The following SEPTIN1 variants were observed in gnomAD, a reference collection of about 807,000 sequenced individuals.
SEPTIN1 encodes the protein septin-1.
Under a neutral mutation model 50.7 loss-of-function variants are expected in SEPTIN1, and 52 were observed. That is an observed-to-expected ratio of 1.03 (90% CI 0.82 to 1.29). SEPTIN1 has a LOEUF of 1.29. SEPTIN1 is among the 50% of genes most tolerant of loss of function. The probability of loss-of-function intolerance (pLI) is 0.00; values close to 1 mark genes in which losing one functional copy is unlikely to be tolerated. For synonymous variants in SEPTIN1, 204 were observed against 189.1 expected, an observed-to-expected ratio of 1.08 and a Z score of -0.65; for missense variants, 455 against 490.7, an observed-to-expected ratio of 0.93 and a Z score of 0.69.
At position 30,378,665 on chromosome 16, in the gene SEPTIN1, A is replaced by C. The variant is rs1567422414; in HGVS notation, c.977T>G (p.Leu326Arg). 1.2e-6 allele frequency: 2 copies of C among 1,609,528 alleles called. No homozygotes were observed. Among genetic ancestry groups the C allele is most frequent in the Non-Finnish European group, 1.7e-6 (2 of 1,179,826 alleles). The change falls in exon 10 of 11, where the codon CTG (leucine) becomes CGG (arginine). Residue 326 changes from leucine to arginine, a missense_variant. Transcript: ENST00000321367. ...LSRQSATEIP[L>R]PMLPLADTEK... ...GGTGTCCGCCAGAGGCAGCATGGGC[A>C]GCGGGATCTCTGTGGCGCTCTGGCG... is the stretch of plus-strand genomic sequence containing the variant.
Position 30,378,268 on chromosome 16 carries a change from A to C in SEPTIN1, c.*166T>G. On this transcript the variant is annotated 3_prime_UTR_variant, in exon 11 of 11. Transcript: ENST00000321367. ...GGGCGGTGTCTGGGTGGGCGGGACC[A>C]GCGCCGGGGCGGGGCTACGGACTCA... The C allele has an allele frequency of 1.4e-6, 1 of 693,026 alleles. No individual in the cohort carries two copies. Among genetic ancestry groups the C allele is most frequent in the East Asian group, 2.9e-5 (1 of 34,102 alleles). The allele number at this position is 693,026 out of a possible 1,614,324, so 42.9% of individuals were successfully genotyped here. A position where few individuals can be genotyped will look rare whatever the true frequency, so the allele number is the denominator to read the frequency against.
At chr16:30,378,899 G>GGAGA (rs1418287816) in intron 9 of SEPTIN1, 119 bp downstream of exon 9, 2 of 957,648 alleles carry the variant, frequency 2.1e-6, no homozygotes, top group Non-Finnish European at 1.6e-6. Context: ...AGGGAGGGAG[G>GGAGA]GAGAGAGAAG....
In SEPTIN1 at chr16:30,381,427, G is replaced by A. The variant is rs563689862; in HGVS notation, c.367C>T (p.Leu123Phe). The change falls in exon 5 of 11, where the codon CTT becomes TTT. Residue 123 changes from leucine to phenylalanine, a missense_variant. Transcript: ENST00000321367. This position sits in a 1 kb window ranked among gnomAD's most constrained non-coding sequence, Gnocchi z 4.3. ...CGGTTCAGGCCACTCTCATCCCTAA[G>A]GTACTGCTCAAATTGCTCCTCGATG... ...KFIEEQFEQYLRDESGLNRKN... is the reference protein window; with the variant it reads ...KFIEEQFEQYFRDESGLNRKN... The A allele has an allele frequency of 1.9e-5, 30 of 1,613,940 alleles. No individual in the cohort carries two copies. The highest frequency in any genetic ancestry group is 2.4e-5 in the Non-Finnish European group (28 of 1,180,040).
chr16:30,378,496 C>G lies in SEPTIN1; in HGVS notation c.1057G>C (p.Glu353Gln). Reference sequence around the variant, plus strand: ...TGCTGCATTTGGGCCTGCATCTTCTCCAGCATCTCTTGCATGCGGCGCAGC... The same window carrying G: ...TGCTGCATTTGGGCCTGCATCTTCTGCAGCATCTCTTGCATGCGGCGCAGC... ...EELRRMQEMLEKMQAQMQQSQ... is the reference protein window; with the variant it reads ...EELRRMQEMLQKMQAQMQQSQ... The change falls in exon 11 of 11, where the codon GAG becomes CAG. Residue 353 changes from glutamate (E) to glutamine (Q), a missense_variant. Coordinates refer to ENST00000321367, the MANE Select transcript of SEPTIN1 (RefSeq NM_001365977.2). 2.5e-6 allele frequency: 4 copies of G among 1,579,718 alleles called. No individual in the cohort carries two copies. In the Admixed American group the frequency reaches 7.4e-5, roughly 29 times the overall value.
Position 30,381,207 on chromosome 16 carries a change from G to A in SEPTIN1, c.493C>T (p.His165Tyr). Reference sequence around the variant, plus strand: ...ACTGGGATGATGTTGACTTTCTCGTGTACTGCCCGGAGGAAGGCCACATCT... The same window carrying A: ...ACTGGGATGATGTTGACTTTCTCGTATACTGCCCGGAGGAAGGCCACATCT... ...PLDVAFLRAV[H>Y]EKVNIIPVIG... is the part of the protein sequence containing the mutation. The change falls in exon 6 of 11, where the codon CAC (histidine) becomes TAC (tyrosine). Residue 165 changes from histidine (H) to tyrosine (Y), a missense_variant. Transcript: ENST00000321367. The surrounding 1 kb of genome is among the most constrained non-coding windows in gnomAD (Gnocchi z 4.3). 2 of 1,614,034 alleles carry A rather than the reference G, an allele frequency of 1.2e-6. No individual in the cohort carries two copies. Among genetic ancestry groups the A allele is most frequent in the Non-Finnish European group, 1.7e-6 (2 of 1,180,004 alleles).
In SEPTIN1 at chr16:30,379,145, G is replaced by A. The variant is rs753965729; in HGVS notation, c.814C>T (p.Arg272Trp). 1.9e-6 allele frequency: 3 copies of A among 1,614,144 alleles called. No homozygotes were observed. The highest frequency in any genetic ancestry group is 1.6e-4 in the Middle Eastern group (1 of 6,062). The stretch of plus-strand genomic sequence containing the variant: ...TGCAGGTGTGTCTGCACCAGCATCC[G>A]TCGCAGGTTCAGGAAATCGCAGTGA... ...PHHCDFLNLR[R>W]MLVQTHLQDL... Residue 272 changes from arginine (R) to tryptophan (W), a missense_variant, in exon 9 of 11, where the codon CGG (arginine) becomes TGG (tryptophan). Arg to Trp is a moderately radical substitution (Grantham distance 101). Coordinates refer to ENST00000321367, the MANE Select transcript of SEPTIN1 (RefSeq NM_001365977.2).
In SEPTIN1 at chr16:30,382,057, G is replaced by C; in HGVS notation, c.196+36C>G. 6.3e-7 allele frequency: 1 copy of C among 1,581,962 alleles called. No homozygotes were observed. Among genetic ancestry groups the C allele is most frequent in the Non-Finnish European group, 8.6e-7 (1 of 1,162,300 alleles). ...AAGACTAGGGTGTAACCTGGGGACA[G>C]GGGCTACTGCCTCAAGAGGGTGGGG... On this transcript the variant is annotated intron_variant, in intron 3 of 10. Transcript: ENST00000321367. This position sits in a 1 kb window ranked among gnomAD's most constrained non-coding sequence, Gnocchi z 4.8.
chr16:30,378,938 G>A, intron 9 of SEPTIN1, 80 bp downstream of exon 9: 1 of 1,414,144 alleles, frequency 7.1e-7, no homozygotes, highest in Non-Finnish European at 9.7e-7. Context: ...AGTCACGGGT[G>A]GTGGGGACGA....
intron 9 of SEPTIN1, 71 bp downstream of exon 9, chr16:30,378,947 G>C (rs528050334): frequency 6.7e-7 from 1 of 1,485,376 alleles, no homozygotes; most frequent in Non-Finnish European, 9.2e-7. Context: ...TGGTGGGGAC[G>C]AGTCCTCAGG....
chr16:30,379,887 G>T (rs773257863), intron 7 of SEPTIN1, 45 bp downstream of exon 7: 1 of 1,051,334 alleles, frequency 9.5e-7, no homozygotes. Context: ...GATTACAGAC[G>T]TGAGCCACCG....
rs778764944 is a variant in SEPTIN1, at chr16:30,381,727, G to A, written c.320+33C>T. ...TCTCCAGGGAGTCGCCACTGTGAAA[G>A]GCTGAGCCTCTGTCCCCTTTCCTCT... On this transcript the variant is annotated intron_variant, in intron 4 of 10. Coordinates refer to ENST00000321367, the MANE Select transcript of SEPTIN1 (RefSeq NM_001365977.2). The surrounding 1 kb of genome is among the most constrained non-coding windows in gnomAD (Gnocchi z 4.3). 2 of 1,611,724 alleles carry A rather than the reference G, an allele frequency of 1.2e-6. No individual in the cohort carries two copies. The highest frequency in any genetic ancestry group is 1.7e-6 in the Non-Finnish European group (2 of 1,178,900).
intron 7 of SEPTIN1, 104 bp from the exon 8 acceptor site, chr16:30,379,638 C>CTATTTTTT: frequency 3.4e-6 from 1 of 295,676 alleles, no homozygotes; most frequent in Non-Finnish European, 5.7e-6. Context: ...CTGCCCCTTC[C>CTATTTTTT]TCTTTTTTTT....
intron 9 of SEPTIN1, 46 bp from the exon 10 acceptor site, chr16:30,378,746 G>C: frequency 6.4e-7 from 1 of 1,570,754 alleles, no homozygotes; most frequent in South Asian, 1.1e-5. Flanking sequence ...CGGGACCTGA[G>C]GTTGTGGGTG....
intron 8 of SEPTIN1, 65 bp downstream of exon 8, chr16:30,379,370 G>T: frequency 6.7e-7 from 1 of 1,483,656 alleles, no homozygotes; most frequent in South Asian, 1.1e-5. Context: ...CACATGTTGA[G>T]TGCGCCTGAC....
rs780935716 is a variant in SEPTIN1 at position 30,379,449 on chromosome 16, C to CAGGAGTAGCGGCGTCCCCT, written c.742_760dup (p.Trp254Ter). On this transcript the variant is annotated stop_gained and frameshift_variant, in exon 8 of 11. Transcript: ENST00000321367. LOFTEE classifies it high-confidence loss of function. ...GCCTCACTCACCCTCCACGGTCCCC[C>CAGGAGTAGCGGCGTCCCCT]AGGAGTAGCGGCGTCCCCTCACCGG... 8.1e-6 allele frequency: 13 copies of CAGGAGTAGCGGCGTCCCCT among 1,613,792 alleles called. No individual in the cohort carries two copies. The highest frequency in any genetic ancestry group is 1.1e-5 in the Non-Finnish European group (13 of 1,179,926).
intron 9 of SEPTIN1, 27 bp downstream of exon 9, chr16:30,378,991 T>G (rs1186594904): frequency 1.2e-6 from 2 of 1,605,768 alleles, no homozygotes; most frequent in East Asian, 2.2e-5. Flanking sequence ...CCTTGGAGGC[T>G]CTGATACTGT....
At position 30,381,809 on chromosome 16, in the gene SEPTIN1, T is replaced by C. The variant is rs201459018; in HGVS notation, c.271A>G (p.Thr91Ala). Residue 91 changes from threonine to alanine, a missense_variant, in exon 4 of 11, where the codon ACC becomes GCC. Thr to Ala is a moderately conservative substitution (Grantham distance 58). Transcript: ENST00000321367. The surrounding 1 kb of genome is among the most constrained non-coding windows in gnomAD (Gnocchi z 4.3). ...IEEGGVKVKLTLVDTPGFGDS... is the reference protein window; with the variant it reads ...IEEGGVKVKLALVDTPGFGDS... Reference sequence around the variant, plus strand: ...CCAAAGCCAGGTGTGTCCACAAGGGTCAGCTTCACTTTCACACCCCCTTCC... The same window carrying C: ...CCAAAGCCAGGTGTGTCCACAAGGGCCAGCTTCACTTTCACACCCCCTTCC... 332 of 1,613,904 alleles carry C rather than the reference T, an allele frequency of 2.1e-4. No individual in the cohort carries two copies. The highest frequency in any genetic ancestry group is 1.8e-4 in the Non-Finnish European group (211 of 1,180,006).
chr16:30,380,494 G>A (rs1055575446), intron 6 of SEPTIN1: 2 of 157,286 alleles, frequency 1.3e-5, no homozygotes, highest in African/African-American at 4.8e-5. Context: ...TAGAGATGGG[G>A]TTTTACCATG....
At position 30,379,452 on chromosome 16, in the gene SEPTIN1, G is replaced by A; in HGVS notation, c.758C>T (p.Ser253Phe). ...TCACTCACCCTCCACGGTCCCCCAG[G>A]AGTAGCGGCGTCCCCTCACCGGCCG... ...GNRPVRGRRY[S>F]WGTVEVENPH... is the part of the protein sequence containing the mutation. The change falls in exon 8 of 11, where the codon TCC becomes TTC. Residue 253 changes from serine (S) to phenylalanine (F), a missense_variant. Transcript: ENST00000321367. The A allele has an allele frequency of 6.2e-7, 1 of 1,613,852 alleles. No individual in the cohort carries two copies. Among genetic ancestry groups the A allele is most frequent in the Non-Finnish European group, 8.5e-7 (1 of 1,179,930 alleles).
Sources: allele counts gnomAD v4.1 joint callset, GRCh38; gene constraint gnomAD v4.1.1; non-coding constraint Gnocchi (gnomAD v3.1); transcripts MANE v1.5; gene names NCBI Gene and HGNC (gene_info 2026-07-23, HGNC 2026-07-21).